The following PASD1 variants were observed in gnomAD, a reference collection of about 807,000 sequenced individuals.
PASD1 encodes the protein PAS domain containing repressor 1.
PASD1 carries 13 observed loss-of-function variants against 58.8 expected under a neutral mutation model. The observed-to-expected ratio is 0.22, with a 90% CI of 0.14 to 0.35. The LOEUF is 0.35. Among genes scored for constraint, PASD1 ranks in the 10% least tolerant of loss-of-function variants. The pLI, the probability that PASD1 is intolerant of heterozygous loss-of-function variation, is 1.00. For synonymous variants in PASD1, 236 were observed against 216.7 expected (o/e 1.09, Z -0.78); for missense variants, 734 against 568.3 (o/e 1.29, Z -2.96).
At chrX:151,666,421 A>G (rs1170710484) in intron 11 of PASD1, among the ~76,000 whole-genome samples, 1 of 107,462 alleles carries the variant, frequency 9.3e-6, no homozygotes, top group Non-Finnish European at 1.9e-5. Flanking sequence ...TTTAGGGTAC[A>G]TGTGCACAAC....
At chrX:151,674,237 TG>T (rs1252790727) in intron 15 of PASD1, 51 bp downstream of exon 15, 1 of 1,192,505 alleles carries the variant, frequency 8.4e-7, no homozygotes, top group Non-Finnish European at 1.1e-6. Context: ...AGAGGGATTC[TG>T]GGCCCCTTCC....
chrX:151,596,957 T>G (rs1035801300), intron 1 of PASD1, among the ~76,000 whole-genome samples: 4 of 112,461 alleles, frequency 3.6e-5, no homozygotes, highest in Non-Finnish European at 7.5e-5. Context: ...ATGCTTTTTC[T>G]CTTTTTAACT....
chrX:151,586,758 G>C (rs1302645135), intron 1 of PASD1, among the ~76,000 whole-genome samples: 2 of 111,492 alleles, frequency 1.8e-5, no homozygotes. Context: ...GATTCTGATT[G>C]TAAATGTCCG....
Position 151,596,381 on chromosome X carries a change from C to T in PASD1, c.-27-5146C>T, listed in dbSNP as rs764134488. Among the ~76,000 whole-genome samples the T allele has an allele frequency of 1.4e-4, 16 of 111,714 alleles. No homozygotes were observed. In the South Asian group the frequency reaches 4.2e-3, roughly 29 times the overall value. On this transcript the variant is annotated intron_variant, in intron 1 of 15. Coordinates refer to ENST00000370357, the MANE Select transcript of PASD1 (RefSeq NM_173493.3). Reference sequence around the variant, plus strand: ...AGTCTCTCAGAAATTAATCCATTCCCCTGAGAAGTAATCCTGTATCAAGAG... The same window carrying T: ...AGTCTCTCAGAAATTAATCCATTCCTCTGAGAAGTAATCCTGTATCAAGAG...
chrX:151,670,097 T>C (rs949798405), intron 11 of PASD1, among the ~76,000 whole-genome samples: 1 of 112,242 alleles, frequency 8.9e-6, no homozygotes, highest in Non-Finnish European at 1.9e-5. Flanking sequence ...CTATATCGTC[T>C]ACCTCTGGAT....
chrX:151,578,705 A>G (rs1195627469), intron 1 of PASD1, among the ~76,000 whole-genome samples: 2 of 111,686 alleles, frequency 1.8e-5, no homozygotes, highest in Non-Finnish European at 3.8e-5. Context: ...TTGCTTGGGG[A>G]TGACATTTGC....
chrX:151,616,563 C>T (rs1265763029), intron 4 of PASD1, among the ~76,000 whole-genome samples: 1 of 109,260 alleles, frequency 9.2e-6, no homozygotes, highest in Non-Finnish European at 1.9e-5. Context: ...CCAGTCACTG[C>T]CCCCTGTTCT....
At chrX:151,582,650 C>T (rs958810436) in intron 1 of PASD1, among the ~76,000 whole-genome samples, 6 of 111,485 alleles carry the variant, frequency 5.4e-5, no homozygotes, top group Non-Finnish European at 1.1e-4. Context: ...TTACCTCCTC[C>T]GAAGCCTAAA....
intron 4 of PASD1, among the ~76,000 whole-genome samples, chrX:151,619,086 T>TATCCAA (rs1185280904): frequency 2.7e-5 from 3 of 111,073 alleles, no homozygotes; most frequent in African/African-American, 9.8e-5. Flanking sequence ...GGAGAGCAGT[T>TATCCAA]ACGGCTACTG....
chrX:151,634,718 C>T (rs1379917262), intron 8 of PASD1, among the ~76,000 whole-genome samples: 2 of 111,580 alleles, frequency 1.8e-5, no homozygotes, highest in Admixed American at 9.5e-5. Context: ...ACCACAGAAG[C>T]AATGTTGTAT....
In PASD1 at chrX:151,625,476, A is replaced by G. The variant is rs2013771407; in HGVS notation, c.575A>G (p.Asp192Gly). The change falls in exon 8 of 16, where the codon GAT (aspartate) becomes GGT (glycine). Residue 192 changes from aspartate (D) to glycine (G), a missense_variant. Transcript: ENST00000370357. ...CTTTACACTTCAAAGGCAGTCAGTG[A>G]TGAAGCTGTACTTACACAAGATTCA... Reference protein sequence around the residue: ...QQLYTSKAVSDEAVLTQDSDE... With the variant: ...QQLYTSKAVSGEAVLTQDSDE... 3.3e-6 allele frequency: 4 copies of G among 1,210,111 alleles called. No homozygotes were observed. The highest frequency in any genetic ancestry group is 2.2e-5 in the Admixed American group (1 of 45,926).
intron 1 of PASD1, among the ~76,000 whole-genome samples, chrX:151,566,856 C>T (rs759279886): frequency 4.4e-4 from 48 of 108,937 alleles, no homozygotes; most frequent in African/African-American, 1.5e-3. Context: ...CACCTGAGGT[C>T]GGGAGTTTGA....
In PASD1 at chrX:151,667,323, C is replaced by T. The variant is rs756093936; in HGVS notation, c.1071+2975C>T. Among the ~76,000 whole-genome samples the T allele has an allele frequency of 5.4e-5, 6 of 111,789 alleles. No individual in the cohort carries two copies. The East Asian group carries it at 8.4e-4, about 16-fold the overall frequency. On this transcript the variant is annotated intron_variant, in intron 11 of 15. Transcript: ENST00000370357. ...TAGATTGCAAAAATTTTCTCCCATTCTGTAGGTTGCCTGTTCACTCTGATG... is the reference window on the plus strand; with the variant it reads ...TAGATTGCAAAAATTTTCTCCCATTTTGTAGGTTGCCTGTTCACTCTGATG...
chrX:151,612,051 G>A (rs2013569660), intron 4 of PASD1, among the ~76,000 whole-genome samples: 1 of 93,416 alleles, frequency 1.1e-5, no homozygotes, highest in Non-Finnish European at 2.1e-5. Flanking sequence ...TCCCACCTAT[G>A]AGTGAGAACA....
chrX:151,655,502 C>T (rs1472050230), intron 9 of PASD1, among the ~76,000 whole-genome samples: 1 of 111,960 alleles, frequency 8.9e-6, no homozygotes, highest in Non-Finnish European at 1.9e-5. Flanking sequence ...TCTCCACATC[C>T]TCTCCAGCAC....
intron 11 of PASD1, 143 bp from the exon 12 acceptor site, chrX:151,670,890 TCAAAC>T: frequency 6.1e-6 from 4 of 657,977 alleles, no homozygotes; most frequent in Middle Eastern, 4.7e-4. Flanking sequence ...AACCATTTTT[TCAAAC>T]TTTCTAGTAA....
At chrX:151,577,948 A>G (rs1377294318) in intron 1 of PASD1, among the ~76,000 whole-genome samples, 1 of 112,134 alleles carries the variant, frequency 8.9e-6, no homozygotes, top group Non-Finnish European at 1.9e-5. Context: ...TGCTATTACC[A>G]CATTCATCTT....
intron 8 of PASD1, among the ~76,000 whole-genome samples, chrX:151,627,597 T>C (rs1207061033): frequency 1.8e-5 from 2 of 112,033 alleles, no homozygotes; most frequent in Admixed American, 9.5e-5. Flanking sequence ...CTTAATCCAG[T>C]CTATCATTGA....
Position 151,671,723 on chromosome X carries a change from T to A in PASD1, c.1381T>A (p.Ser461Thr), listed in dbSNP as rs2014472372. The A allele has an allele frequency of 2.5e-6, 3 of 1,209,335 alleles. No homozygotes were observed. Among genetic ancestry groups the A allele is most frequent in the Admixed American group, 2.2e-5 (1 of 45,832 alleles). ...CAAGTGTTTCTGTGGTTTATCTTTA[T>A]CCAACTCTCTCAAAAACACTGGGGA... is the stretch of plus-strand genomic sequence containing the variant. Reference protein sequence around the residue: ...DVKCFCGLSLSNSLKNTGELQ... With the variant: ...DVKCFCGLSLTNSLKNTGELQ... The change falls in exon 13 of 16, where the codon TCC becomes ACC. Residue 461 changes from serine (S) to threonine (T), a missense_variant. Coordinates refer to ENST00000370357, the MANE Select transcript of PASD1 (RefSeq NM_173493.3).
Sources: allele counts gnomAD v4.1 joint callset (sites outside exome capture counted in the v4.1 genomes callset), GRCh38; gene constraint gnomAD v4.1.1; transcripts MANE v1.5; gene names NCBI Gene and HGNC (gene_info 2026-07-23, HGNC 2026-07-21).